Variants in OIP5 observed in about 807,000 individuals in gnomAD.
The protein encoded by OIP5 is Opa interacting protein 5.
OIP5 carries 24 observed loss-of-function variants against 20.3 expected under a neutral mutation model. That is an observed-to-expected ratio of 1.18 (90% CI 0.86 to 1.66). OIP5 has a LOEUF of 1.66. Ranked by LOEUF, OIP5 falls within the 40% of genes most tolerant of loss-of-function variation. The pLI is 0.00. For synonymous variants in OIP5, 143 were observed against 121.3 expected (o/e 1.18, Z -1.17); for missense variants, 339 against 289.5 (o/e 1.17, Z -1.24).
Position 41,313,464 on chromosome 15 carries a change from T to C in OIP5, c.513-110A>G, listed in dbSNP as rs150017506. 237 of 625,218 alleles carry C rather than the reference T, an allele frequency of 3.8e-4. No homozygotes were observed. In the African/African-American group the frequency reaches 4.0e-3, roughly 11 times the overall value. 38.7% of individuals were successfully genotyped at this position (625,218 alleles called of 1,614,324 possible). A position where few individuals can be genotyped will look rare whatever the true frequency, so the allele number is the denominator to read the frequency against. ...TGTCAAAAAAAGCCTGGCTTCTTAA[T>C]GATTTTCATTTCAAGACTCATGATG... On this transcript the variant is annotated intron_variant, in intron 3 of 4. Coordinates refer to ENST00000220514, the MANE Select transcript of OIP5 (RefSeq NM_007280.2).
At chr15:41,316,788 TC>T (rs1567024952) in intron 3 of OIP5, among the ~76,000 whole-genome samples, 1 of 41,138 alleles carries the variant, frequency 2.4e-5, no homozygotes, top group Non-Finnish European at 4.0e-5. Context: ...AGACTCCATC[TC>T]AAAAAAAAAA....
At chr15:41,313,871 G>C (rs990074256) in intron 3 of OIP5, among the ~76,000 whole-genome samples, 17 of 152,078 alleles carry the variant, frequency 1.1e-4, no homozygotes, top group African/African-American at 4.1e-4. Flanking sequence ...AAGGATGACT[G>C]CATTTTCTTG....
chr15:41,329,151 A>T (rs1211497486), intron 2 of OIP5, among the ~76,000 whole-genome samples: 1 of 151,080 alleles, frequency 6.6e-6, no homozygotes, highest in African/African-American at 2.4e-5. Context: ...CTGCATCATT[A>T]ATCATCCTCT....
chr15:41,318,195 C>T (rs1261515091), intron 3 of OIP5, among the ~76,000 whole-genome samples: 1 of 152,184 alleles, frequency 6.6e-6, no homozygotes, highest in Non-Finnish European at 1.5e-5. Flanking sequence ...CAGAGTCTAG[C>T]TCTGTCACCC....
At position 41,310,443 on chromosome 15, in the gene OIP5, G is replaced by A. The variant is rs1229807954; in HGVS notation, c.595-594C>T. ...AGATCAAGACCATCCTGGCTAACAC[G>A]GTGAAACCCCATCTCTACTAAAAAT... is the stretch of plus-strand genomic sequence containing the variant. On this transcript the variant is annotated intron_variant, in intron 4 of 4. Coordinates refer to ENST00000220514, the MANE Select transcript of OIP5 (RefSeq NM_007280.2). Among the ~76,000 whole-genome samples, 6 of 152,178 alleles carry A rather than the reference G, an allele frequency of 3.9e-5. No homozygotes were observed. In the South Asian group the frequency reaches 6.2e-4, roughly 16 times the overall value.
chr15:41,332,004 G>A, intron 1 of OIP5, 23 bp from the exon 2 acceptor site: 1 of 1,611,158 alleles, frequency 6.2e-7, no homozygotes. Flanking sequence ...ACACGGGTCA[G>A]AACCCATACT....
chr15:41,332,487 C>T lies in OIP5; in HGVS notation c.75G>A (p.Glu25=). The change falls in exon 1 of 5, where the codon GAG becomes GAA. Residue 25 remains glutamate (E), a synonymous_variant. Coordinates refer to ENST00000220514, the MANE Select transcript of OIP5 (RefSeq NM_007280.2). ...TAAAAGAAGCTTGGTCAATCGCCCT[C>T]TCAGTGCCACCACAAAAGTCCCCCC... ...PPRGDFCGGT[E]RAIDQASFTT... 6.2e-7 allele frequency: 1 copy of T among 1,614,070 alleles called. No homozygotes were observed. The highest frequency in any genetic ancestry group is 8.5e-7 in the Non-Finnish European group (1 of 1,179,932).
chr15:41,321,956 A>G (rs1387035181), intron 2 of OIP5, among the ~76,000 whole-genome samples: 1 of 151,908 alleles, frequency 6.6e-6, no homozygotes, highest in Non-Finnish European at 1.5e-5. Flanking sequence ...AATAAAAAAG[A>G]AAAAAATGCG....
At chr15:41,326,959 G>A (rs2047865744) in intron 2 of OIP5, among the ~76,000 whole-genome samples, 1 of 151,744 alleles carries the variant, frequency 6.6e-6, no homozygotes, top group Admixed American at 6.6e-5. Context: ...AGGTCAACTA[G>A]ATTATGTTAT....
intron 4 of OIP5, among the ~76,000 whole-genome samples, chr15:41,311,602 C>G (rs921640336): frequency 5.9e-5 from 9 of 152,148 alleles, no homozygotes; most frequent in Non-Finnish European, 8.8e-5. Context: ...TAGATTCTCA[C>G]TGTCACCCAG....
intron 2 of OIP5, among the ~76,000 whole-genome samples, chr15:41,330,729 T>A (rs1435848728): frequency 1.3e-5 from 2 of 152,218 alleles, no homozygotes; most frequent in Non-Finnish European, 2.9e-5. Flanking sequence ...AAATGATTAA[T>A]TTTTCTGTAC....
At chr15:41,310,208 C>T (rs2047745778) in intron 4 of OIP5, among the ~76,000 whole-genome samples, 1 of 152,186 alleles carries the variant, frequency 6.6e-6, no homozygotes, top group Non-Finnish European at 1.5e-5. Flanking sequence ...TGGTCACAAA[C>T]ACCATTTCAA....
At chr15:41,321,247 G>C (rs1296434911) in intron 2 of OIP5, among the ~76,000 whole-genome samples, 1 of 148,366 alleles carries the variant, frequency 6.7e-6, no homozygotes, top group African/African-American at 2.5e-5. Context: ...CCGGGAGGGA[G>C]GTGGGGTGGT....
At chr15:41,321,968 A>G (rs953694908) in intron 2 of OIP5, among the ~76,000 whole-genome samples, 3 of 152,084 alleles carry the variant, frequency 2.0e-5, no homozygotes, top group Admixed American at 2.0e-4. Context: ...AAAAATGCGC[A>G]GACTAAAAGA....
intron 3 of OIP5, among the ~76,000 whole-genome samples, chr15:41,314,570 G>A (rs2047778470): frequency 6.6e-6 from 1 of 151,932 alleles, no homozygotes; most frequent in Non-Finnish European, 1.5e-5. Context: ...GGGAGGCTGA[G>A]GCAGGCAGAT....
intron 3 of OIP5, among the ~76,000 whole-genome samples, chr15:41,315,802 T>C (rs1197577869): frequency 6.6e-6 from 1 of 152,194 alleles, no homozygotes; most frequent in East Asian, 1.9e-4. Flanking sequence ...AGCACACATT[T>C]ACAGTTTTTT....
intron 4 of OIP5, among the ~76,000 whole-genome samples, chr15:41,313,065 GT>G (rs1467102837): frequency 1.3e-5 from 2 of 152,236 alleles, no homozygotes; most frequent in Non-Finnish European, 2.9e-5. Context: ...GAGTGCAGCA[GT>G]TGAGCAGCTT....
chr15:41,317,096 T>C (rs187346862), intron 3 of OIP5, among the ~76,000 whole-genome samples: 2 of 152,256 alleles, frequency 1.3e-5, no homozygotes, highest in Non-Finnish European at 1.5e-5. Context: ...AAATAGCCAA[T>C]GTAATTCATG....
chr15:41,317,065 C>A (rs911922819), intron 3 of OIP5, among the ~76,000 whole-genome samples: 4 of 152,008 alleles, frequency 2.6e-5, no homozygotes, highest in Admixed American at 1.3e-4. Flanking sequence ...GTTAAAAGTG[C>A]AATTTATTAG....
Sources: gnomAD v4.1 joint callset for allele counts (sites outside exome capture counted in the v4.1 genomes callset) on GRCh38, gnomAD v4.1.1 for gene constraint, MANE v1.5 for transcripts, NCBI Gene and HGNC (gene_info 2026-07-23, HGNC 2026-07-21) for gene names.